NTM: variants seen among roughly 807,000 people sequenced by gnomAD.
NTM encodes the protein neurotrimin.
A neutral mutation model predicts 42.1 loss-of-function variants in NTM; 13 were observed. That is an observed-to-expected ratio of 0.31 (90% CI 0.20 to 0.49). NTM has a LOEUF of 0.49. Ranked by LOEUF, NTM falls within the 20% of genes least tolerant of loss-of-function variation. The probability of loss-of-function intolerance (pLI) is 0.99; values close to 1 mark genes in which losing one functional copy is unlikely to be tolerated. For synonymous variants in NTM, 187 were observed against 179.2 expected (o/e 1.04, Z -0.35); for missense variants, 373 against 452.8 (o/e 0.82, Z 1.60).
chr11:132,218,759 C>T (rs1265736896), intron 4 of NTM, among the ~76,000 whole-genome samples: 2 of 152,180 alleles, frequency 1.3e-5, no homozygotes, highest in East Asian at 3.9e-4. Context: ...CGTTCTTCTG[C>T]TTCAGGACCA....
intron 1 of NTM, among the ~76,000 whole-genome samples, chr11:131,499,805 C>T (rs986093730): frequency 6.6e-5 from 10 of 152,246 alleles, no homozygotes; most frequent in African/African-American, 2.2e-4. Flanking sequence ...CCTTCACCCG[C>T]GTCAATGCGC....
At chr11:132,088,999 A>G (rs930970887) in intron 2 of NTM, among the ~76,000 whole-genome samples, 16 of 152,178 alleles carry the variant, frequency 1.1e-4, no homozygotes, top group Admixed American at 9.2e-4. Flanking sequence ...TTCCCATTGA[A>G]ACTCTTACAA....
intron 1 of NTM, among the ~76,000 whole-genome samples, chr11:131,865,774 A>G (rs1297458238): frequency 1.3e-5 from 2 of 150,940 alleles, no homozygotes; most frequent in African/African-American, 4.9e-5. Flanking sequence ...CATGCTACAT[A>G]CACACATGCT....
intron 1 of NTM, among the ~76,000 whole-genome samples, chr11:131,762,761 T>A (rs2084423364): frequency 6.6e-6 from 1 of 152,228 alleles, no homozygotes; most frequent in South Asian, 2.1e-4. Flanking sequence ...CCCATTATGA[T>A]AATGCCCAGC....
chr11:131,741,296 G>C (rs1036937410), intron 1 of NTM, among the ~76,000 whole-genome samples: 15 of 152,190 alleles, frequency 9.9e-5, no homozygotes, highest in Non-Finnish European at 1.8e-4. Context: ...GTTGGAAGGA[G>C]ATAAGTGGAG....
intron 1 of NTM, among the ~76,000 whole-genome samples, chr11:131,688,267 G>T (rs559996549): frequency 6.6e-6 from 1 of 152,086 alleles, no homozygotes; most frequent in African/African-American, 2.4e-5. Flanking sequence ...ACTCCAGACA[G>T]GGGGGAAAGC....
chr11:131,805,652 A>G (rs1439772983), intron 1 of NTM, among the ~76,000 whole-genome samples: 4 of 152,226 alleles, frequency 2.6e-5, no homozygotes, highest in African/African-American at 4.8e-5. Flanking sequence ...CAATAATGTT[A>G]ATTCATGTTC....
intron 1 of NTM, among the ~76,000 whole-genome samples, chr11:131,569,574 C>CTTTTTTTTT (rs371565373): frequency 9.9e-5 from 13 of 130,886 alleles, no homozygotes; most frequent in South Asian, 2.4e-4. Context: ...TTTCTTCTCT[C>CTTTTTTTTT]TTTTTTTTTT....
chr11:132,097,632 G>A (rs1008434281), intron 2 of NTM, among the ~76,000 whole-genome samples: 4 of 152,202 alleles, frequency 2.6e-5, no homozygotes, highest in East Asian at 1.9e-4. Flanking sequence ...ACACTGATAT[G>A]ACCTCCTAGG....
chr11:131,468,065 C>A (rs549672770), intron 1 of NTM, among the ~76,000 whole-genome samples: 31 of 152,350 alleles, frequency 2.0e-4, no homozygotes, highest in Non-Finnish European at 4.0e-4. Flanking sequence ...GACGTAGGGT[C>A]AGTGTGAACT....
chr11:131,976,437 C>T (rs563218172), intron 2 of NTM, among the ~76,000 whole-genome samples: 9 of 152,174 alleles, frequency 5.9e-5, no homozygotes, highest in Admixed American at 3.3e-4. Flanking sequence ...GAATTTTCAA[C>T]GTTCTCTTCC....
At chr11:131,825,560 A>G (rs2042028730) in intron 1 of NTM, among the ~76,000 whole-genome samples, 1 of 152,166 alleles carries the variant, frequency 6.6e-6, no homozygotes, top group African/African-American at 2.4e-5. Context: ...ATTTCACAAA[A>G]GTGTCCCAAC....
At chr11:131,878,895 C>G (rs2049024266) in intron 1 of NTM, among the ~76,000 whole-genome samples, 1 of 151,916 alleles carries the variant, frequency 6.6e-6, no homozygotes, top group African/African-American at 2.4e-5. Context: ...CCCACCACCC[C>G]TAAATACTCC....
intron 2 of NTM, among the ~76,000 whole-genome samples, chr11:132,026,838 C>A (rs2075252463): frequency 6.6e-6 from 1 of 152,156 alleles, no homozygotes. Flanking sequence ...ACAAAGCAGG[C>A]AGGCTAGAAA....
At chr11:131,802,233 T>A (rs2092178302) in intron 1 of NTM, among the ~76,000 whole-genome samples, 1 of 152,226 alleles carries the variant, frequency 6.6e-6, no homozygotes, top group African/African-American at 2.4e-5. Context: ...CTAATGCCTC[T>A]CAGAAAATTC....
At chr11:131,687,892 C>T (rs1013289432) in intron 1 of NTM, among the ~76,000 whole-genome samples, 2 of 152,188 alleles carry the variant, frequency 1.3e-5, no homozygotes, top group African/African-American at 4.8e-5. Flanking sequence ...CTCACATCCC[C>T]TTGGTGCCGA....
chr11:132,211,272 G>A (rs528538291), intron 3 of NTM, among the ~76,000 whole-genome samples: 37 of 152,246 alleles, frequency 2.4e-4, no homozygotes, highest in African/African-American at 7.5e-4. Context: ...AAGGAATGGC[G>A]GCACATGCCT....
rs75574079 is a variant in NTM at position 131,939,148 on chromosome 11, G to A, written c.167+27500G>A. Among the ~76,000 whole-genome samples, 271 of 152,214 alleles carry A rather than the reference G, an allele frequency of 1.8e-3. 1 individual carries two copies. Among genetic ancestry groups the A allele is most frequent in the African/African-American group, 6.1e-3 (254 of 41,538 alleles). ...AATTGTAGCTAGAGAGGAGAATGGC[G>A]GATCGGAGTCCTGAGCTTTTGCAAT... On this transcript the variant is annotated intron_variant, in intron 2 of 8. Transcript: ENST00000683400.
chr11:131,469,417 C>T (rs1565534627), intron 1 of NTM, among the ~76,000 whole-genome samples: 1 of 152,088 alleles, frequency 6.6e-6, no homozygotes, highest in Non-Finnish European at 1.5e-5. Flanking sequence ...ATGAGAAAAC[C>T]ACATTCCAGG....
Sources: allele counts gnomAD v4.1 joint callset (sites outside exome capture counted in the v4.1 genomes callset), GRCh38; gene constraint gnomAD v4.1.1; transcripts MANE v1.5; gene names NCBI Gene and HGNC (gene_info 2026-07-23, HGNC 2026-07-21).